The following ADAMTS2 variants were observed in gnomAD, a reference collection of about 807,000 sequenced individuals.
ADAMTS2 encodes the protein ADAM metallopeptidase with thrombospondin type 1 motif 2, also known as A disintegrin and metalloproteinase with thrombospondin motifs 2.
Under a neutral mutation model 123.0 loss-of-function variants are expected in ADAMTS2, and 50 were observed. The ratio of observed to expected loss-of-function variants is 0.41; its 90% CI spans 0.32 to 0.51. The LOEUF (loss-of-function observed/expected upper bound fraction) is 0.51. ADAMTS2 is among the 20% of genes least tolerant of loss of function. ADAMTS2 has a pLI of 0.35. For missense variants in ADAMTS2, 1,494 were observed against 1,705.2 expected (o/e 0.88, Z 2.18); for synonymous variants, 678 against 695.4 (o/e 0.98, Z 0.39).
intron 2 of ADAMTS2, among the ~76,000 whole-genome samples, chr5:179,321,048 C>G (rs1284784979): frequency 2.0e-5 from 3 of 152,166 alleles, no homozygotes; most frequent in Admixed American, 1.3e-4. Context: ...AGATATTTTT[C>G]TTTTTGCAGA....
intron 3 of ADAMTS2, among the ~76,000 whole-genome samples, chr5:179,230,805 G>A (rs1444754355): frequency 1.3e-5 from 2 of 152,212 alleles, no homozygotes; most frequent in Non-Finnish European, 2.9e-5. Flanking sequence ...GAGGTCAGGA[G>A]TTCGAGACCA....
chr5:179,257,329 C>T (rs1581224805), intron 3 of ADAMTS2, among the ~76,000 whole-genome samples: 1 of 152,228 alleles, frequency 6.6e-6, no homozygotes, highest in African/African-American at 2.4e-5. Flanking sequence ...CCATCATCGG[C>T]CGTTTGCTCT....
rs1345405981 is a variant in ADAMTS2 at position 179,260,662 on chromosome 5, T to A, written c.688+12249A>T. Among the ~76,000 whole-genome samples, 1 of 152,182 alleles carries A rather than the reference T, an allele frequency of 6.6e-6. No individual in the cohort carries two copies. Among genetic ancestry groups the A allele is most frequent in the Admixed American group, 6.5e-5 (1 of 15,274 alleles). Reference sequence around the variant, plus strand: ...GCCTGGCTCCCACTGTTTCTACAGCTTACTATCTGTGCGACCGTCGGCACC... The same window carrying A: ...GCCTGGCTCCCACTGTTTCTACAGCATACTATCTGTGCGACCGTCGGCACC... On this transcript the variant is annotated intron_variant, in intron 3 of 21. Coordinates refer to ENST00000251582, the MANE Select transcript of ADAMTS2 (RefSeq NM_014244.5). This position sits in a 1 kb window ranked among gnomAD's most constrained non-coding sequence, Gnocchi z 4.2.
chr5:179,157,530 T>C (rs1382438331), intron 6 of ADAMTS2, among the ~76,000 whole-genome samples: 2 of 149,994 alleles, frequency 1.3e-5, no homozygotes, highest in Non-Finnish European at 3.0e-5. Flanking sequence ...TTTTTTTTTT[T>C]CTTGTAAGAC....
At chr5:179,248,810 AC>A (rs1765857872) in intron 3 of ADAMTS2, among the ~76,000 whole-genome samples, 1 of 152,212 alleles carries the variant, frequency 6.6e-6, no homozygotes, top group African/African-American at 2.4e-5. Context: ...TCAATATTCC[AC>A]TTTCAAAAAT....
At chr5:179,250,298 T>C (rs537702827) in intron 3 of ADAMTS2, among the ~76,000 whole-genome samples, 3 of 152,122 alleles carry the variant, frequency 2.0e-5, no homozygotes, top group Non-Finnish European at 4.4e-5. Context: ...TACCGGACAT[T>C]CTAGTCAGAG....
chr5:179,245,765 C>CAAAAAAAAAAAAAAAAAA (rs1171837041), intron 3 of ADAMTS2, among the ~76,000 whole-genome samples: 1 of 17,210 alleles, frequency 5.8e-5, no homozygotes, highest in African/African-American at 1.7e-4. Context: ...GACTCCGTCT[C>CAAAAAAAAAAAAAAAAAA]AAAAAAAAAA....
intron 3 of ADAMTS2, among the ~76,000 whole-genome samples, chr5:179,230,095 C>T (rs1386194449): frequency 6.6e-6 from 1 of 152,172 alleles, no homozygotes; most frequent in Non-Finnish European, 1.5e-5. Context: ...CCCTGAGAGT[C>T]AGGAGGGATG....
intron 2 of ADAMTS2, among the ~76,000 whole-genome samples, chr5:179,301,429 C>T (rs954333751): frequency 6.6e-6 from 1 of 152,194 alleles, no homozygotes; most frequent in Non-Finnish European, 1.5e-5. Flanking sequence ...ATCATTATGC[C>T]CATTTTACAG....
chr5:179,187,197 C>T (rs1764192334), intron 4 of ADAMTS2, among the ~76,000 whole-genome samples: 1 of 152,150 alleles, frequency 6.6e-6, no homozygotes, highest in Non-Finnish European at 1.5e-5. Flanking sequence ...AAGACTCATC[C>T]TAAAAAATAT....
Position 179,110,982 on chromosome 5 carries a change from A to G in ADAMTS2, c.*2885T>C, listed in dbSNP as rs1323868009. 2 of 152,216 alleles carry G rather than the reference A, an allele frequency of 1.3e-5. No individual in the cohort carries two copies. The highest frequency in any genetic ancestry group is 2.4e-5 in the African/African-American group (1 of 41,452). 9.4% of individuals were successfully genotyped at this position (152,216 alleles called of 1,614,324 possible). On this transcript the variant is annotated 3_prime_UTR_variant, in exon 22 of 22. Coordinates refer to ENST00000251582, the MANE Select transcript of ADAMTS2 (RefSeq NM_014244.5). ...CAGAATTTTGTGATTTGAGTTCAGC[A>G]CCTTGATTCAGTATAGTGGCTACCT...
chr5:179,173,367 T>A (rs1763866125), intron 5 of ADAMTS2, among the ~76,000 whole-genome samples: 1 of 152,146 alleles, frequency 6.6e-6, no homozygotes, highest in African/African-American at 2.4e-5. Flanking sequence ...TTCCTTCCAG[T>A]CTTTTTGGTA....
intron 4 of ADAMTS2, among the ~76,000 whole-genome samples, chr5:179,205,786 T>TA (rs141328524): frequency 0.25 from 37,865 of 150,048 alleles, 5,334 homozygotes; most frequent in East Asian, 0.57. Context: ...TTATTATTAT[T>TA]TTTGAGACGG....
chr5:179,251,336 G>A (rs1765919431), intron 3 of ADAMTS2, among the ~76,000 whole-genome samples: 1 of 152,114 alleles, frequency 6.6e-6, no homozygotes, highest in African/African-American at 2.4e-5. Flanking sequence ...GCCTGATGGT[G>A]ACCTACTTCA....
At position 179,173,041 on chromosome 5, in the gene ADAMTS2, C is replaced by CAA. The variant is rs1228973444; in HGVS notation, c.975+8029_975+8030dup. Among the ~76,000 whole-genome samples the CAA allele has an allele frequency of 2.9e-3, 353 of 122,004 alleles. 2 individuals carry two copies. The highest frequency in any genetic ancestry group is 0.01 in the African/African-American group (331 of 32,598). 80.0% of individuals were successfully genotyped at this position (122,004 alleles called of 152,430 possible). On this transcript the variant is annotated intron_variant, in intron 5 of 21. Coordinates refer to ENST00000251582, the MANE Select transcript of ADAMTS2 (RefSeq NM_014244.5). Reference sequence around the variant, plus strand: ...GCAACAGAGTGAGACCCTGTCTCTACAAAAAAAAAAAGAAAAAAAAATTAG... The same window carrying CAA: ...GCAACAGAGTGAGACCCTGTCTCTACAAAAAAAAAAAAAGAAAAAAAAATTAG...
intron 10 of ADAMTS2, among the ~76,000 whole-genome samples, chr5:179,145,137 A>C (rs1382626425): frequency 6.6e-6 from 1 of 152,256 alleles, no homozygotes; most frequent in Non-Finnish European, 1.5e-5. Flanking sequence ...AAGCACATGA[A>C]AAGACGGTCA....
intron 4 of ADAMTS2, among the ~76,000 whole-genome samples, chr5:179,183,516 A>C (rs1764097771): frequency 6.6e-6 from 1 of 152,208 alleles, no homozygotes; most frequent in African/African-American, 2.4e-5. Context: ...ACAGGTTCCT[A>C]GCAGTAGGAG....
At chr5:179,302,379 CAAAAAAAAAAAAAA>C (rs1166990772) in intron 2 of ADAMTS2, among the ~76,000 whole-genome samples, 1 of 38,184 alleles carries the variant, frequency 2.6e-5, no homozygotes, top group African/African-American at 1.1e-4. Context: ...AAGACCGTCT[CAAAAAAAAAAAAAA>C]AAAAAAAAAA....
chr5:179,319,861 T>C (rs1581272241), intron 2 of ADAMTS2, among the ~76,000 whole-genome samples: 1 of 152,112 alleles, frequency 6.6e-6, no homozygotes, highest in South Asian at 2.1e-4. Context: ...AGGTCCCCAC[T>C]GGTCAGCACG....
Sources: gnomAD v4.1 joint callset for allele counts (sites outside exome capture counted in the v4.1 genomes callset) on GRCh38, gnomAD v4.1.1 for gene constraint, Gnocchi (gnomAD v3.1) non-coding constraint, MANE v1.5 for transcripts, NCBI Gene and HGNC (gene_info 2026-07-23, HGNC 2026-07-21) for gene names.